FGF1: variants seen among roughly 807,000 people sequenced by gnomAD.
The protein encoded by FGF1 is beta-endothelial cell growth factor.
In FGF1, 9 loss-of-function variants were observed where a neutral mutation model predicts 13.4. The ratio of observed to expected loss-of-function variants is 0.67; its 90% CI spans 0.40 to 1.17. FGF1 has a LOEUF of 1.17. Among genes scored for constraint, FGF1 ranks in the 50% most tolerant of loss-of-function variants. The pLI is 0.01. For missense variants in FGF1, 156 were observed against 192.7 expected (o/e 0.81, Z 1.13); for synonymous variants, 93 against 79.0 (o/e 1.18, Z -0.94).
chr5:142,629,808 A>G (rs1314863368), intron 1 of FGF1, among the ~76,000 whole-genome samples: 1 of 148,882 alleles, frequency 6.7e-6, no homozygotes, highest in Non-Finnish European at 1.5e-5. Flanking sequence ...TTAATCACAG[A>G]TATTTTTGCA....
intron 1 of FGF1, among the ~76,000 whole-genome samples, chr5:142,669,765 C>G (rs1305053682): frequency 6.6e-6 from 1 of 152,108 alleles, no homozygotes; most frequent in Admixed American, 6.5e-5. Context: ...ACAGGAGAAG[C>G]AGAGCAGAGG....
chr5:142,608,540 AT>A (rs1561537356), intron 2 of FGF1, among the ~76,000 whole-genome samples: 32 of 57,548 alleles, frequency 5.6e-4, no homozygotes, highest in African/African-American at 1.7e-3. Context: ...ATATATACAC[AT>A]CTATATATAT....
chr5:142,692,212 C>T (rs1430023657), intron 2 of FGF1, among the ~76,000 whole-genome samples: 1 of 152,204 alleles, frequency 6.6e-6, no homozygotes, highest in African/African-American at 2.4e-5. Flanking sequence ...TGGCATGTGC[C>T]TGTGGTCACA....
At chr5:142,604,508 T>G (rs995037008) in intron 2 of FGF1, among the ~76,000 whole-genome samples, 1 of 152,192 alleles carries the variant, frequency 6.6e-6, no homozygotes, top group South Asian at 2.1e-4. Flanking sequence ...GAACTCAAGT[T>G]CTGCTTGGCT....
At chr5:142,600,440 G>C (rs1756258566) in intron 3 of FGF1, among the ~76,000 whole-genome samples, 1 of 152,174 alleles carries the variant, frequency 6.6e-6, no homozygotes, top group African/African-American at 2.4e-5. Context: ...TCTAAAATGA[G>C]TGATTGAAGA....
chr5:142,614,711 G>C (rs1430506191), intron 1 of FGF1, among the ~76,000 whole-genome samples: 5 of 152,180 alleles, frequency 3.3e-5, no homozygotes, highest in African/African-American at 9.6e-5. Flanking sequence ...TAAAGGGTTA[G>C]TATGTTAAGG....
intron 1 of FGF1, among the ~76,000 whole-genome samples, chr5:142,629,962 C>T (rs538974019): frequency 3.5e-4 from 53 of 149,372 alleles, no homozygotes; most frequent in African/African-American, 1.1e-3. Flanking sequence ...GGCATGATCT[C>T]GGCTCACTGT....
At chr5:142,620,006 GT>G (rs889353840) in intron 1 of FGF1, among the ~76,000 whole-genome samples, 93 of 148,160 alleles carry the variant, frequency 6.3e-4, no homozygotes, top group African/African-American at 1.7e-3. Flanking sequence ...ACTAGCTACT[GT>G]TTTTTTTTTA....
intron 1 of FGF1, among the ~76,000 whole-genome samples, chr5:142,615,227 T>TC (rs1759974220): frequency 6.6e-6 from 1 of 152,130 alleles, no homozygotes; most frequent in Non-Finnish European, 1.5e-5. Context: ...CTGCACTTTT[T>TC]TTTTTTTCTC....
At chr5:142,663,929 C>T (rs369120070) in intron 1 of FGF1, among the ~76,000 whole-genome samples, 2 of 152,106 alleles carry the variant, frequency 1.3e-5, no homozygotes, top group African/African-American at 4.8e-5. Flanking sequence ...AGGGATGATG[C>T]TTCCAAATCT....
rs920773519 is a variant in FGF1 at position 142,648,007 on chromosome 5, C to T, written c.-34-33846G>A. The stretch of plus-strand genomic sequence containing the variant: ...GGCTGAAGCAGGAGAATCACTTGAA[C>T]CCAGGAGGTGGAGGTTGCAGTGAGC... On this transcript the variant is annotated intron_variant, in intron 1 of 3. Coordinates refer to ENST00000337706, the MANE Select transcript of FGF1 (RefSeq NM_000800.5). Among the ~76,000 whole-genome samples, 12 of 152,122 alleles carry T rather than the reference C, an allele frequency of 7.9e-5. No homozygotes were observed. In the East Asian group the frequency reaches 1.5e-3, roughly 20 times the overall value.
chr5:142,609,614 CAAAG>C (rs1758623501), intron 2 of FGF1, among the ~76,000 whole-genome samples: 4 of 152,282 alleles, frequency 2.6e-5, no homozygotes, highest in Admixed American at 2.6e-4. Context: ...GAAGCTGGGA[CAAAG>C]AGTCACCCTC....
chr5:142,600,225 G>T (rs545906646), intron 3 of FGF1, among the ~76,000 whole-genome samples: 1 of 152,270 alleles, frequency 6.6e-6, no homozygotes, highest in East Asian at 1.9e-4. Flanking sequence ...AGCTGGGCAT[G>T]GTGGTATTCA....
At chr5:142,666,742 A>T (rs1245757777) in intron 1 of FGF1, among the ~76,000 whole-genome samples, 1 of 150,798 alleles carries the variant, frequency 6.6e-6, no homozygotes, top group Non-Finnish European at 1.5e-5. Context: ...TTTTGAGAGC[A>T]GCCTGGGCAA....
chr5:142,625,164 G>A (rs1289470479), intron 1 of FGF1, among the ~76,000 whole-genome samples: 1 of 152,106 alleles, frequency 6.6e-6, no homozygotes, highest in Non-Finnish European at 1.5e-5. Context: ...GACTCATCAA[G>A]CCATGTTTCA....
At chr5:142,595,570 G>T in intron 3 of FGF1, 86 bp from the exon 4 acceptor site, 2 of 1,118,774 alleles carry the variant, frequency 1.8e-6, no homozygotes, top group Non-Finnish European at 2.6e-6. Flanking sequence ...GTGACATTGG[G>T]CAAAATACTA....
At chr5:142,667,176 C>T (rs1376803939) in intron 1 of FGF1, among the ~76,000 whole-genome samples, 14 of 151,750 alleles carry the variant, frequency 9.2e-5, no homozygotes, top group Admixed American at 2.6e-4. Context: ...CCCAGCTACT[C>T]GGAAGGCTGA....
intron 1 of FGF1, among the ~76,000 whole-genome samples, chr5:142,642,632 A>G (rs1404423042): frequency 6.6e-6 from 1 of 152,248 alleles, no homozygotes; most frequent in Non-Finnish European, 1.5e-5. Flanking sequence ...GCAGCCACCA[A>G]ATAGATCTGG....
chr5:142,685,903 A>ACG (rs1166615049), intron 1 of FGF1, 54 bp downstream of exon 1: 6 of 150,846 alleles, frequency 4.0e-5, no homozygotes, highest in Non-Finnish European at 7.4e-5. Context: ...ACACACACAC[A>ACG]CAACCTCAGC....
Sources: gnomAD v4.1 joint callset for allele counts (sites outside exome capture counted in the v4.1 genomes callset) on GRCh38, gnomAD v4.1.1 for gene constraint, MANE v1.5 for transcripts, NCBI Gene and HGNC (gene_info 2026-07-23, HGNC 2026-07-21) for gene names.